The following C16orf78 variants were observed in gnomAD, a reference collection of about 807,000 sequenced individuals.
C16orf78 encodes the protein uncharacterized protein C16orf78.
C16orf78 carries 19 observed loss-of-function variants against 27.3 expected under a neutral mutation model. The ratio of observed to expected loss-of-function variants is 0.70; its 90% CI spans 0.49 to 1.02. C16orf78 has a LOEUF of 1.02. Ranked by LOEUF, C16orf78 falls within the 50% of genes least tolerant of loss-of-function variation. C16orf78 has a pLI of 0.00. For missense variants in C16orf78, 339 were observed against 337.0 expected (o/e 1.01, Z -0.05); for synonymous variants, 130 against 116.1 (o/e 1.12, Z -0.77).
Position 49,398,951 on chromosome 16 carries a change from G to A in C16orf78, c.651-180G>A, listed in dbSNP as rs57320300. 2.9e-3 allele frequency among the ~76,000 whole-genome samples: 435 copies of A among 152,276 alleles called. 19 individuals carry two copies. The East Asian group carries it at 0.073, about 26-fold the overall frequency. On this transcript the variant is annotated intron_variant, in intron 4 of 4. Transcript: ENST00000299191. Reference sequence around the variant, plus strand: ...AGTTACACAAACGCAAACTCCCGCCGCCTTTGTGGGGTGTCCCACTGTCTT... The same window carrying A: ...AGTTACACAAACGCAAACTCCCGCCACCTTTGTGGGGTGTCCCACTGTCTT...
intron 4 of C16orf78, among the ~76,000 whole-genome samples, chr16:49,398,084 C>G (rs561302898): frequency 2.0e-5 from 3 of 152,124 alleles, no homozygotes; most frequent in Non-Finnish European, 4.4e-5. Context: ...ATGGGTGTCC[C>G]CATATACATA....
At chr16:49,396,284 A>C (rs950362571) in intron 3 of C16orf78, 139 bp from the exon 4 acceptor site, 2 of 941,380 alleles carry the variant, frequency 2.1e-6, no homozygotes, top group Non-Finnish European at 3.2e-6. Flanking sequence ...AACCTGTGGA[A>C]GCCACGAAAA....
intron 3 of C16orf78, among the ~76,000 whole-genome samples, chr16:49,394,343 G>A (rs1292634273): frequency 6.6e-6 from 1 of 152,030 alleles, no homozygotes; most frequent in Non-Finnish European, 1.5e-5. Context: ...AATGTACAAT[G>A]TCTGAAATGA....
At chr16:49,396,315 G>A (rs905596447) in intron 3 of C16orf78, 108 bp from the exon 4 acceptor site, 2 of 1,278,740 alleles carry the variant, frequency 1.6e-6, no homozygotes, top group African/African-American at 3.0e-5. Context: ...CTCAGAACAG[G>A]TACGGTTTGA....
At chr16:49,395,683 C>T (rs1234057908) in intron 3 of C16orf78, among the ~76,000 whole-genome samples, 1 of 152,166 alleles carries the variant, frequency 6.6e-6, no homozygotes, top group South Asian at 2.1e-4. Context: ...CCTCTGCCTG[C>T]GATCCTTTCC....
intron 3 of C16orf78, among the ~76,000 whole-genome samples, chr16:49,384,277 G>A (rs959485799): frequency 4.6e-5 from 7 of 150,834 alleles, no homozygotes; most frequent in Non-Finnish European, 1.0e-4. Flanking sequence ...GAACCCAGGA[G>A]GCAGAGGTTG....
intron 1 of C16orf78, among the ~76,000 whole-genome samples, chr16:49,376,563 C>T (rs1965220884): frequency 6.6e-6 from 1 of 152,244 alleles, no homozygotes; most frequent in Non-Finnish European, 1.5e-5. Flanking sequence ...AAACAAAACC[C>T]TAAAGCTAAC....
At chr16:49,383,260 C>G (rs533245178) in intron 3 of C16orf78, among the ~76,000 whole-genome samples, 1 of 152,322 alleles carries the variant, frequency 6.6e-6, no homozygotes, top group Admixed American at 6.5e-5. Flanking sequence ...AGGAGAGCCT[C>G]TCATGTAGAC....
chr16:49,375,320 G>A (rs1965200858), intron 1 of C16orf78, among the ~76,000 whole-genome samples: 1 of 151,748 alleles, frequency 6.6e-6, no homozygotes, highest in South Asian at 2.1e-4. Flanking sequence ...CTGAGACTGG[G>A]TCATTTATTT....
At chr16:49,389,089 A>G (rs1358174023) in intron 3 of C16orf78, among the ~76,000 whole-genome samples, 1 of 152,130 alleles carries the variant, frequency 6.6e-6, no homozygotes, top group African/African-American at 2.4e-5. Flanking sequence ...AATATTGTTT[A>G]TGATTCCATT....
At chr16:49,395,456 T>A (rs1215986094) in intron 3 of C16orf78, among the ~76,000 whole-genome samples, 1 of 132,360 alleles carries the variant, frequency 7.6e-6, no homozygotes, top group Non-Finnish European at 1.5e-5. Context: ...GAGATTTTTT[T>A]TTGCGATTTT....
chr16:49,389,009 C>T (rs1380432879), intron 3 of C16orf78, among the ~76,000 whole-genome samples: 1 of 152,206 alleles, frequency 6.6e-6, no homozygotes, highest in South Asian at 2.1e-4. Flanking sequence ...CATATCTTCA[C>T]GTGCGTTTCT....
intron 3 of C16orf78, among the ~76,000 whole-genome samples, chr16:49,381,308 T>C (rs1243024540): frequency 6.6e-6 from 1 of 152,194 alleles, no homozygotes; most frequent in Non-Finnish European, 1.5e-5. Flanking sequence ...TTTTATTTCG[T>C]TGAGCAGTGG....
chr16:49,386,565 A>G (rs767461772), intron 3 of C16orf78, among the ~76,000 whole-genome samples: 1 of 152,066 alleles, frequency 6.6e-6, no homozygotes, highest in Non-Finnish European at 1.5e-5. Context: ...CCTAGTACCC[A>G]TTAGTCATTT....
chr16:49,378,786 T>A (rs1201603811), intron 3 of C16orf78, among the ~76,000 whole-genome samples, 193 bp downstream of exon 3: 1 of 152,042 alleles, frequency 6.6e-6, no homozygotes, highest in Non-Finnish European at 1.5e-5. Flanking sequence ...GCAAGCAGGG[T>A]GTGACATGAA....
intron 3 of C16orf78, among the ~76,000 whole-genome samples, chr16:49,391,754 G>A (rs547829546): frequency 6.6e-6 from 1 of 152,186 alleles, no homozygotes; most frequent in African/African-American, 2.4e-5. Flanking sequence ...TATTGCTATC[G>A]CTCCTTCCTT....
intron 3 of C16orf78, among the ~76,000 whole-genome samples, chr16:49,386,906 T>A (rs1965358157): frequency 6.6e-6 from 1 of 152,238 alleles, no homozygotes; most frequent in Non-Finnish European, 1.5e-5. Flanking sequence ...GCAGTGAACA[T>A]ATGTGTGCAT....
In C16orf78 at chr16:49,378,523, A is replaced by G. The variant is rs763094885; in HGVS notation, c.324A>G (p.Gly108=). 7 of 1,611,970 alleles carry G rather than the reference A, an allele frequency of 4.3e-6. No homozygotes were observed. The Middle Eastern group carries it at 1.2e-3, about 266-fold the overall frequency. The stretch of plus-strand genomic sequence containing the variant: ...CCGCCTCCTACCGAAGCCTCTATGG[A>G]GTGGAGCAAAAGGGGAAACACCTCA... ...KDAASYRSLY[G]VEQKGKHLSM... Residue 108 remains glycine, a synonymous_variant, in exon 3 of 5, where the codon GGA becomes GGG. Transcript: ENST00000299191.
intron 3 of C16orf78, among the ~76,000 whole-genome samples, chr16:49,390,643 C>T (rs1965401341): frequency 6.6e-6 from 1 of 152,230 alleles, no homozygotes; most frequent in Non-Finnish European, 1.5e-5. Flanking sequence ...GTCATACTAG[C>T]TGTTGCCATG....
Sources: gnomAD v4.1 joint callset for allele counts (sites outside exome capture counted in the v4.1 genomes callset) on GRCh38, gnomAD v4.1.1 for gene constraint, MANE v1.5 for transcripts, NCBI Gene and HGNC (gene_info 2026-07-23, HGNC 2026-07-21) for gene names.